Variants in GABRA3 observed in about 807,000 individuals in gnomAD.
GABRA3 encodes gamma-aminobutyric acid type A receptor subunit alpha3.
Under a neutral mutation model 30.1 loss-of-function variants are expected in GABRA3, and 10 were observed. The ratio of observed to expected loss-of-function variants is 0.33; its 90% confidence interval spans 0.20 to 0.56. The LOEUF (loss-of-function observed/expected upper bound fraction) is 0.56. Ranked by LOEUF, GABRA3 falls within the 20% of genes least tolerant of loss-of-function variation. The pLI is 0.89. For missense variants in GABRA3, 233 were observed against 392.0 expected (o/e 0.59, Z 3.42); for synonymous variants, 151 against 146.8 (o/e 1.03, Z -0.21).
chrX:152,356,091 C>A (rs951213908), intron 2 of GABRA3, among the ~76,000 whole-genome samples: 2 of 111,485 alleles, frequency 1.8e-5, no homozygotes, highest in East Asian at 2.8e-4. Flanking sequence ...TTCCAGAATC[C>A]CAAATCCCAA....
At chrX:152,283,591 A>G (rs1939236119) in intron 4 of GABRA3, among the ~76,000 whole-genome samples, 1 of 111,950 alleles carries the variant, frequency 8.9e-6, no homozygotes, top group African/African-American at 3.2e-5. Flanking sequence ...TCCATCCTGC[A>G]CAGATCACCA....
intron 5 of GABRA3, among the ~76,000 whole-genome samples, chrX:152,253,506 ACTC>A (rs1938589627): frequency 9.2e-6 from 1 of 109,013 alleles, no homozygotes; most frequent in African/African-American, 3.3e-5. Context: ...TACCTTCACA[ACTC>A]CTCCTCTCTG....
chrX:152,377,381 CAG>C (rs1929026532), intron 1 of GABRA3, among the ~76,000 whole-genome samples: 1 of 111,151 alleles, frequency 9.0e-6, no homozygotes, highest in Non-Finnish European at 1.9e-5. Context: ...TAAATTAACA[CAG>C]CACTCAGTTT....
chrX:152,238,103 T>C (rs1180383855), intron 5 of GABRA3, among the ~76,000 whole-genome samples: 69 of 107,534 alleles, frequency 6.4e-4, no homozygotes, highest in African/African-American at 2.2e-3. Context: ...AGTTTTTGCC[T>C]ATTCAGTATG....
chrX:152,364,787 A>T (rs777286837), intron 1 of GABRA3, among the ~76,000 whole-genome samples, 191 bp from the exon 2 acceptor site: 2 of 110,970 alleles, frequency 1.8e-5, no homozygotes, highest in South Asian at 7.8e-4. Context: ...ATGCCACCAA[A>T]ATCGCCCCCA....
chrX:152,447,084 C>T (rs906123071), intron 1 of GABRA3, among the ~76,000 whole-genome samples: 12 of 104,254 alleles, frequency 1.2e-4, no homozygotes, highest in African/African-American at 4.2e-4. Flanking sequence ...GTGTAGATCT[C>T]ATCTCCTAAT....
intron 9 of GABRA3, among the ~76,000 whole-genome samples, chrX:152,177,201 A>G (rs1937085397): frequency 1.8e-5 from 2 of 111,978 alleles, no homozygotes; most frequent in South Asian, 3.7e-4. Context: ...GGAAGTCTCA[A>G]CTGAGAATCA....
rs189485534 is a variant in GABRA3, at chrX:152,198,211, T to C, written c.779-426A>G. On this transcript the variant is annotated intron_variant, in intron 7 of 9. Transcript: ENST00000370314. ...CTCAAGAAACTGAGGCAAGGAGAGA[T>C]GGAGCAACTTGCATAAGGTTACACA... 3.6e-5 allele frequency among the ~76,000 whole-genome samples: 4 copies of C among 112,098 alleles called. No homozygotes were observed. The East Asian group carries it at 1.1e-3, about 32-fold the overall frequency.
chrX:152,206,713 C>T (rs150398482), intron 7 of GABRA3, among the ~76,000 whole-genome samples: 2,006 of 111,432 alleles, frequency 0.018, 40 homozygotes, highest in African/African-American at 0.06. Context: ...CTCCCACCAC[C>T]GGCTACCTCT....
At chrX:152,232,454 A>C (rs931863512) in intron 5 of GABRA3, among the ~76,000 whole-genome samples, 3 of 108,520 alleles carry the variant, frequency 2.8e-5, no homozygotes, top group Admixed American at 1.0e-4. Flanking sequence ...CTATTATTCC[A>C]CTCTCTATGT....
Position 152,194,916 on chromosome X carries a change from C to T in GABRA3, c.931+2717G>A, listed in dbSNP as rs940049415. 4.5e-5 allele frequency among the ~76,000 whole-genome samples: 5 copies of T among 110,498 alleles called. 1 individual carries two copies. The highest frequency in any genetic ancestry group is 1.9e-4 in the Admixed American group (2 of 10,331). On this transcript the variant is annotated intron_variant, in intron 8 of 9. Coordinates refer to ENST00000370314, the MANE Select transcript of GABRA3 (RefSeq NM_000808.4). ...CTGGGACCACAGGGATGTGCCACCA[C>T]GTCTGGCTAATTAAAAAGAAAAAAT...
chrX:152,368,600 G>A lies in GABRA3; in HGVS notation c.-26-4004C>T, dbSNP rs780317321. 1.5e-4 allele frequency among the ~76,000 whole-genome samples: 17 copies of A among 110,582 alleles called. No individual in the cohort carries two copies. In the South Asian group the frequency reaches 5.8e-3, roughly 38 times the overall value. ...ATTGTGAATAACGCTGCATTAACAT[G>A]GAAGTGCATATATCTCTTCAACATA... On this transcript the variant is annotated intron_variant, in intron 1 of 9. Transcript: ENST00000370314.
chrX:152,320,485 C>T (rs767709017), intron 3 of GABRA3, among the ~76,000 whole-genome samples: 7 of 111,712 alleles, frequency 6.3e-5, no homozygotes, highest in Non-Finnish European at 1.1e-4. Flanking sequence ...GAAAACCAAA[C>T]ATCGTATGTT....
rs1271415291 is a variant in GABRA3, at chrX:152,268,402, A to G, written c.331-12404T>C. On this transcript the variant is annotated intron_variant, in intron 4 of 9. Transcript: ENST00000370314. ...GTTTTATAAAGGGGAGTGCCCCTGCACATGCCCTCTTCCCTGCCACCATGT... is the reference window on the plus strand; with the variant it reads ...GTTTTATAAAGGGGAGTGCCCCTGCGCATGCCCTCTTCCCTGCCACCATGT... Among the ~76,000 whole-genome samples the G allele has an allele frequency of 7.1e-5, 8 of 112,042 alleles. No individual in the cohort carries two copies. The East Asian group carries it at 2.2e-3, about 31-fold the overall frequency.
At chrX:152,182,994 G>T (rs1937205456) in intron 9 of GABRA3, among the ~76,000 whole-genome samples, 1 of 105,527 alleles carries the variant, frequency 9.5e-6, no homozygotes, top group South Asian at 4.1e-4. Flanking sequence ...CATCTATTTT[G>T]TTCATCAGGG....
chrX:152,199,175 G>A (rs1341237259), intron 7 of GABRA3, among the ~76,000 whole-genome samples: 2 of 109,982 alleles, frequency 1.8e-5, no homozygotes, highest in East Asian at 5.7e-4. Context: ...GACCATCCTG[G>A]CTAACATGGT....
At chrX:152,236,080 G>A (rs1157477398) in intron 5 of GABRA3, among the ~76,000 whole-genome samples, 4 of 91,258 alleles carry the variant, frequency 4.4e-5, no homozygotes, top group Non-Finnish European at 6.5e-5. Context: ...TGCCATGCTG[G>A]TGCGCTGCAC....
intron 7 of GABRA3, among the ~76,000 whole-genome samples, chrX:152,201,774 C>G (rs1937487677): frequency 9.0e-6 from 1 of 111,377 alleles, no homozygotes. Context: ...GGTATTTTTC[C>G]CTCTCTCTAT....
intron 1 of GABRA3, among the ~76,000 whole-genome samples, chrX:152,370,039 T>TG (rs1479889340): frequency 1.8e-5 from 2 of 111,296 alleles, no homozygotes; most frequent in Non-Finnish European, 3.8e-5. Flanking sequence ...CAATAAAAAA[T>TG]GGGGATAACA....
Sources: gnomAD v4.1 joint callset for allele counts (sites outside exome capture counted in the v4.1 genomes callset) on GRCh38, gnomAD v4.1.1 for gene constraint, MANE v1.5 for transcripts, NCBI Gene and HGNC (gene_info 2026-07-23, HGNC 2026-07-21) for gene names.